The following ZNF578 variants were observed in gnomAD, a reference collection of about 807,000 sequenced individuals.
The protein encoded by ZNF578 is zinc finger protein 578, also known as Putative chemokine-related protein B42.
ZNF578 carries 8 observed loss-of-function variants against 8.3 expected under a neutral mutation model. The ratio of observed to expected loss-of-function variants is 0.96; its 90% CI spans 0.56 to 1.74. The LOEUF (loss-of-function observed/expected upper bound fraction) is 1.74. ZNF578 is among the 40% of genes most tolerant of loss of function. ZNF578 has a pLI of 0.00. For synonymous variants in ZNF578, 206 were observed against 232.2 expected (o/e 0.89, Z 1.03); for missense variants, 726 against 707.5 (o/e 1.03, Z -0.30).
chr19:52,458,335 G>A (rs1426504453), intron 2 of ZNF578: 1 of 151,492 alleles, frequency 6.6e-6, no homozygotes. Context: ...ACTTCTTCTA[G>A]GATGGGGCAT....
intron 2 of ZNF578, among the ~76,000 whole-genome samples, chr19:52,471,386 A>G (rs1413849790): frequency 1.3e-5 from 2 of 152,144 alleles, no homozygotes; most frequent in Non-Finnish European, 2.9e-5. Flanking sequence ...GGTTCTCCCT[A>G]ATAAACTCCC....
At chr19:52,507,556 A>G (rs1329917553) in intron 5 of ZNF578, among the ~76,000 whole-genome samples, 1 of 152,106 alleles carries the variant, frequency 6.6e-6, no homozygotes, top group Non-Finnish European at 1.5e-5. Context: ...AAAAAAAGAA[A>G]TAGCTGGAAC....
chr19:52,461,051 T>C (rs144767635), intron 2 of ZNF578, among the ~76,000 whole-genome samples: 223 of 152,320 alleles, frequency 1.5e-3, no homozygotes, highest in Non-Finnish European at 2.9e-3. Context: ...CAACGGTCCA[T>C]TTAAGAGGAT....
intron 2 of ZNF578, among the ~76,000 whole-genome samples, chr19:52,476,670 A>G (rs946598361): frequency 1.3e-5 from 2 of 152,220 alleles, no homozygotes; most frequent in African/African-American, 4.8e-5. Flanking sequence ...TATTTGCAAC[A>G]TAGAGCTGAA....
intron 2 of ZNF578, chr19:52,475,205 T>C: frequency 4.4e-6 from 1 of 226,490 alleles, no homozygotes; most frequent in Middle Eastern, 4.9e-4. Context: ...TCTAAAGACT[T>C]TGCCATGCTC....
chr19:52,504,406 A>G lies in ZNF578; in HGVS notation c.64-249A>G, dbSNP rs150815193. Among the ~76,000 whole-genome samples the G allele has an allele frequency of 4.4e-3, 672 of 151,916 alleles. 5 individuals are homozygous for G. The highest frequency in any genetic ancestry group is 0.015 in the African/African-American group (638 of 41,406). The stretch of plus-strand genomic sequence containing the variant: ...ATGCCCAGCCCTGTGTTTCCTTTTT[A>G]TTTATATAGTTTTTATATTGTCCAT... On this transcript the variant is annotated intron_variant, in intron 4 of 5. Coordinates refer to ENST00000421239, the MANE Select transcript of ZNF578 (RefSeq NM_001099694.2).
At chr19:52,460,721 G>A (rs973834976) in intron 2 of ZNF578, among the ~76,000 whole-genome samples, 1 of 152,120 alleles carries the variant, frequency 6.6e-6, no homozygotes, top group Non-Finnish European at 1.5e-5. Context: ...TCCAAAATCA[G>A]TGTCGTAAGG....
At chr19:52,473,640 C>T (rs1392580748) in intron 2 of ZNF578, 7 of 201,678 alleles carry the variant, frequency 3.5e-5, no homozygotes, top group South Asian at 1.7e-4. Flanking sequence ...CTGCCACATT[C>T]GTTACATTTA....
intron 3 of ZNF578, among the ~76,000 whole-genome samples, chr19:52,499,282 T>C (rs1222485694): frequency 6.6e-6 from 1 of 152,180 alleles, no homozygotes; most frequent in Admixed American, 6.5e-5. Flanking sequence ...TGAATTCCAG[T>C]TCTCCAAGAT....
At chr19:52,492,174 A>G (rs1429692093) in intron 3 of ZNF578, among the ~76,000 whole-genome samples, 1 of 146,724 alleles carries the variant, frequency 6.8e-6, no homozygotes, top group African/African-American at 2.6e-5. Context: ...AAAAAAAAAA[A>G]AAAAAAAAAA....
At position 52,511,515 on chromosome 19, in the gene ZNF578, G is replaced by A. The variant is rs10413153; in HGVS notation, c.1134G>A (p.Lys378=). Residue 378 remains lysine, a synonymous_variant, in exon 6 of 6, where the codon AAG becomes AAA. Coordinates refer to ENST00000421239, the MANE Select transcript of ZNF578 (RefSeq NM_001099694.2). ...CTTACAAGTGTAATGAGTGTGGCAA[G>A]ATGTTTGGTCAAAATTCAACCCTTG... The part of the protein sequence containing the change: ...IKPYKCNECG[K]MFGQNSTLVI... The A allele has an allele frequency of 4.4e-3, 7,088 of 1,613,826 alleles. 263 individuals carry two copies. The African/African-American group carries it at 0.082, about 19-fold the overall frequency.
At chr19:52,464,594 A>T (rs1336782419) in intron 2 of ZNF578, among the ~76,000 whole-genome samples, 1 of 152,166 alleles carries the variant, frequency 6.6e-6, no homozygotes, top group Non-Finnish European at 1.5e-5. Flanking sequence ...GCTATAAGCA[A>T]TCCAGCGTTT....
chr19:52,496,308 G>A (rs530714265), intron 3 of ZNF578, among the ~76,000 whole-genome samples: 57 of 139,218 alleles, frequency 4.1e-4, no homozygotes, highest in Non-Finnish European at 5.5e-4. Flanking sequence ...GAGCCACCAC[G>A]CTCGGCCTCA....
intron 2 of ZNF578, among the ~76,000 whole-genome samples, chr19:52,482,644 A>T (rs2059330815): frequency 6.6e-6 from 1 of 151,544 alleles, no homozygotes; most frequent in Non-Finnish European, 1.5e-5. Context: ...TTGAAAAAAA[A>T]ATTTTAAAAA....
chr19:52,491,760 T>C (rs1322776329), intron 3 of ZNF578, among the ~76,000 whole-genome samples: 1 of 151,982 alleles, frequency 6.6e-6, no homozygotes, highest in African/African-American at 2.4e-5. Flanking sequence ...GTAATAGATC[T>C]CTTTAACAAA....
chr19:52,482,225 G>T (rs2059329080), intron 2 of ZNF578, among the ~76,000 whole-genome samples: 2 of 152,156 alleles, frequency 1.3e-5, no homozygotes, highest in African/African-American at 4.8e-5. Context: ...TAGAGACGGG[G>T]TTTCTTCATG....
intron 1 of ZNF578, chr19:52,456,231 ACTGT>A (rs1199686303): frequency 6.6e-6 from 1 of 152,072 alleles, no homozygotes; most frequent in Non-Finnish European, 1.5e-5. Flanking sequence ...TTTGCTGTCC[ACTGT>A]CTGGATCCTG....
Position 52,515,373 on chromosome 19 carries a change from A to G in ZNF578, c.*3219A>G, listed in dbSNP as rs763921439. Among the ~76,000 whole-genome samples, 45 of 152,168 alleles carry G rather than the reference A, an allele frequency of 3.0e-4. No homozygotes were observed. The highest frequency in any genetic ancestry group is 4.9e-4 in the Non-Finnish European group (33 of 68,038). Reference sequence around the variant, plus strand: ...GTGTGTTCACACTTCTGCATTTTATAAATGTTCCTGTGAGTTTTTTGTAAG... The same window carrying G: ...GTGTGTTCACACTTCTGCATTTTATGAATGTTCCTGTGAGTTTTTTGTAAG... On this transcript the variant is annotated 3_prime_UTR_variant, in exon 6 of 6. Coordinates refer to ENST00000421239, the MANE Select transcript of ZNF578 (RefSeq NM_001099694.2).
chr19:52,475,292 CT>C (rs34793178), intron 2 of ZNF578: 20,687 of 219,424 alleles, frequency 0.094, 1,805 homozygotes, highest in East Asian at 0.33. Flanking sequence ...AAAATCACCA[CT>C]TACATTTATT....
Sources: gnomAD v4.1 joint callset for allele counts (sites outside exome capture counted in the v4.1 genomes callset) on GRCh38, gnomAD v4.1.1 for gene constraint, MANE v1.5 for transcripts, NCBI Gene and HGNC (gene_info 2026-07-23, HGNC 2026-07-21) for gene names.